Variants in ZDHHC17 observed in about 807,000 individuals in gnomAD.
ZDHHC17 encodes the protein zDHHC palmitoyltransferase 17, also known as palmitoyltransferase ZDHHC17.
ZDHHC17 carries 40 observed loss-of-function variants against 90.3 expected under a neutral mutation model. That is an observed-to-expected ratio of 0.44 (90% CI 0.34 to 0.58). The LOEUF is 0.58. Ranked by LOEUF, ZDHHC17 falls within the 20% of genes least tolerant of loss-of-function variation. ZDHHC17 has a pLI of 0.01. For missense variants in ZDHHC17, 614 were observed against 780.8 expected (o/e 0.79, Z 2.55); for synonymous variants, 235 against 252.4 (o/e 0.93, Z 0.65).
chr12:76,836,008 T>C (rs891546606), intron 10 of ZDHHC17, among the ~76,000 whole-genome samples: 4 of 151,972 alleles, frequency 2.6e-5, no homozygotes, highest in African/African-American at 9.6e-5. Context: ...TTTTCTAATG[T>C]TGAACCACTT....
At chr12:76,789,361 T>G (rs1026562143) in intron 1 of ZDHHC17, among the ~76,000 whole-genome samples, 1 of 152,150 alleles carries the variant, frequency 6.6e-6, no homozygotes, top group African/African-American at 2.4e-5. Flanking sequence ...CTGTCATAGC[T>G]TAAAGTCTAA....
intron 1 of ZDHHC17, among the ~76,000 whole-genome samples, chr12:76,788,713 T>TTTG: frequency 6.9e-6 from 1 of 144,658 alleles, no homozygotes; most frequent in Non-Finnish European, 1.5e-5. Context: ...TTTTTTTTTT[T>TTTG]TGAGCAGAGT....
At chr12:76,781,413 G>A (rs576652767) in intron 1 of ZDHHC17, among the ~76,000 whole-genome samples, 1 of 152,320 alleles carries the variant, frequency 6.6e-6, no homozygotes, top group South Asian at 2.1e-4. Context: ...AACTTATGTT[G>A]AAAGTTAATT....
chr12:76,842,862 A>G (rs1057246336), intron 11 of ZDHHC17, 57 bp from the exon 12 acceptor site: 9 of 1,314,530 alleles, frequency 6.8e-6, no homozygotes, highest in Middle Eastern at 1.8e-4. Flanking sequence ...AGTGGTGGCA[A>G]AAGAGTTGGT....
chr12:76,815,201 G>T lies in ZDHHC17; in HGVS notation c.599G>T (p.Arg200Ile). 1 of 1,562,980 alleles carries T rather than the reference G, an allele frequency of 6.4e-7. No homozygotes were observed. Among genetic ancestry groups the T allele is most frequent in the South Asian group, 1.2e-5 (1 of 84,398 alleles). ...ACGCCTTTAATGTGGGCAGCATATA[G>T]AACACATAGGTATGTAATGACTATA... ...GMTPLMWAAY[R>I]THSVDPTRLL... Residue 200 changes from arginine to isoleucine, a missense_variant, in exon 6 of 17, where the codon AGA becomes ATA. Around this residue, in one of 5 missense-constraint regions of ZDHHC17, gnomAD observed 358 missense variants for 380.4 expected, o/e 0.94. Transcript: ENST00000426126.
rs538083749 is a variant in ZDHHC17 at position 76,799,069 on chromosome 12, C to T, written c.197+1532C>T. On this transcript the variant is annotated intron_variant, in intron 2 of 16. Transcript: ENST00000426126. Reference sequence around the variant, plus strand: ...GGAGGACCGCTTGTGCCTGAGAATTCGAGGCTGCAGTGAGATATAGTCATG... The same window carrying T: ...GGAGGACCGCTTGTGCCTGAGAATTTGAGGCTGCAGTGAGATATAGTCATG... Among the ~76,000 whole-genome samples the T allele has an allele frequency of 2.6e-5, 4 of 152,112 alleles. No homozygotes were observed. In the East Asian group the frequency reaches 7.7e-4, roughly 29 times the overall value.
chr12:76,808,806 C>CT (rs200967846), intron 3 of ZDHHC17, among the ~76,000 whole-genome samples: 12 of 146,422 alleles, frequency 8.2e-5, no homozygotes, highest in Admixed American at 2.1e-4. Context: ...CATTTTTATT[C>CT]TTTTTTTTTT....
chr12:76,764,321 C>A lies in ZDHHC17; in HGVS notation c.85C>A (p.His29Asn). 1 of 1,598,830 alleles carries A rather than the reference C, an allele frequency of 6.3e-7. No homozygotes were observed. Among genetic ancestry groups the A allele is most frequent in the East Asian group, 2.3e-5 (1 of 44,228 alleles). ...DTEAGCVPLL[H>N]PEEIKPQSHY... The stretch of plus-strand genomic sequence containing the variant: ...CGAAGCGGGCTGTGTGCCCCTTCTC[C>A]ACCCAGAGGTGAGGAACCGTGCTGA... The change falls in exon 1 of 17, where the codon CAC becomes AAC. Residue 29 changes from histidine (H) to asparagine (N), a missense_variant. His to Asn is a moderately conservative substitution (Grantham distance 68). Transcript: ENST00000426126.
At chr12:76,803,574 C>A (rs1447085762) in intron 2 of ZDHHC17, among the ~76,000 whole-genome samples, 3 of 152,214 alleles carry the variant, frequency 2.0e-5, no homozygotes, top group Non-Finnish European at 4.4e-5. Flanking sequence ...ACCTCTGTAA[C>A]TTGTTACCAT....
intron 10 of ZDHHC17, among the ~76,000 whole-genome samples, chr12:76,830,510 T>C (rs1030796537): frequency 6.6e-6 from 1 of 152,182 alleles, no homozygotes; most frequent in Non-Finnish European, 1.5e-5. Flanking sequence ...ATTCTAGCCT[T>C]TTATTATACT....
chr12:76,779,554 A>G (rs1054997051), intron 1 of ZDHHC17, among the ~76,000 whole-genome samples: 8 of 152,178 alleles, frequency 5.3e-5, no homozygotes, highest in African/African-American at 1.2e-4. Flanking sequence ...CCTCCTACCA[A>G]TTCCCTCCCA....
chr12:76,801,692 T>G (rs1414278091), intron 2 of ZDHHC17, among the ~76,000 whole-genome samples: 2 of 152,128 alleles, frequency 1.3e-5, no homozygotes, highest in Admixed American at 1.3e-4. Flanking sequence ...TAACACTAAT[T>G]TGAATTTATG....
chr12:76,823,864 T>A (rs1416364135), intron 8 of ZDHHC17, among the ~76,000 whole-genome samples: 1 of 152,178 alleles, frequency 6.6e-6, no homozygotes, highest in Non-Finnish European at 1.5e-5. Context: ...TTGCATGCCA[T>A]GTTAACTCTT....
chr12:76,814,684 G>A (rs1953063576), intron 5 of ZDHHC17, among the ~76,000 whole-genome samples: 1 of 151,866 alleles, frequency 6.6e-6, no homozygotes, highest in Non-Finnish European at 1.5e-5. Flanking sequence ...CACACAAACT[G>A]CAGAATCATT....
At chr12:76,832,451 A>C (rs1483889849) in intron 10 of ZDHHC17, among the ~76,000 whole-genome samples, 1 of 152,252 alleles carries the variant, frequency 6.6e-6, no homozygotes, top group African/African-American at 2.4e-5. Context: ...GCACTGAATT[A>C]GAAAATACTG....
At chr12:76,765,114 A>T (rs936195144) in intron 1 of ZDHHC17, among the ~76,000 whole-genome samples, 1 of 152,164 alleles carries the variant, frequency 6.6e-6, no homozygotes, top group Non-Finnish European at 1.5e-5. Context: ...GCAATTCTTG[A>T]TGCATTCTGA....
At chr12:76,849,254 G>A in intron 15 of ZDHHC17, 122 bp from the exon 16 acceptor site, 1 of 496,956 alleles carries the variant, frequency 2.0e-6, no homozygotes. Context: ...AATCACTTGA[G>A]CCCACCCAAG....
chr12:76,778,234 G>A (rs779297294), intron 1 of ZDHHC17, among the ~76,000 whole-genome samples: 1 of 151,982 alleles, frequency 6.6e-6, no homozygotes, highest in Non-Finnish European at 1.5e-5. Flanking sequence ...TTTTGAGATG[G>A]AGTCTCGCTC....
intron 1 of ZDHHC17, among the ~76,000 whole-genome samples, chr12:76,784,898 G>A (rs1952667609): frequency 6.6e-6 from 1 of 152,180 alleles, no homozygotes; most frequent in Non-Finnish European, 1.5e-5. Context: ...CAGAATTTTG[G>A]ATGCTTAAGG....
Sources: allele counts gnomAD v4.1 joint callset (sites outside exome capture counted in the v4.1 genomes callset), GRCh38; gene constraint gnomAD v4.1.1; regional missense constraint gnomAD v4.1.1; transcripts MANE v1.5; gene names NCBI Gene and HGNC (gene_info 2026-07-23, HGNC 2026-07-21).